Variants in RANBP17 observed in about 807,000 individuals in gnomAD.
RANBP17 encodes the protein ran-binding protein 17.
In RANBP17, 158 loss-of-function variants were observed where a neutral mutation model predicts 141.2. The observed-to-expected ratio is 1.12, with a 90% CI of 0.98 to 1.28. The LOEUF (loss-of-function observed/expected upper bound fraction) is 1.28. RANBP17 is among the 50% of genes most tolerant of loss of function. The pLI, the probability that RANBP17 is intolerant of heterozygous loss-of-function variation, is 0.00. For missense variants in RANBP17, 1,438 were observed against 1,290.7 expected (o/e 1.11, Z -1.75); for synonymous variants, 430 against 450.0 (o/e 0.96, Z 0.56).
Position 171,103,172 on chromosome 5 carries a change from C to T in RANBP17, c.1711-66958C>T, listed in dbSNP as rs143202112. On this transcript the variant is annotated intron_variant, in intron 14 of 27. Transcript: ENST00000523189. The stretch of plus-strand genomic sequence containing the variant: ...TCTCTTCCAAGCCGGCAGGCGGGCA[C>T]ATTTAAGTCTGCTGAAGCTGCACCC... Among the ~76,000 whole-genome samples, 8 of 152,304 alleles carry T rather than the reference C, an allele frequency of 5.3e-5. No homozygotes were observed. The East Asian group carries it at 1.4e-3, about 26-fold the overall frequency.
intron 14 of RANBP17, among the ~76,000 whole-genome samples, chr5:171,076,625 T>A (rs1784942235): frequency 6.6e-6 from 1 of 152,178 alleles, no homozygotes; most frequent in South Asian, 2.1e-4. Context: ...CGAAAACTAC[T>A]AGGTTTGGGT....
chr5:170,917,062 G>A (rs1467607061), intron 9 of RANBP17, among the ~76,000 whole-genome samples: 1 of 152,032 alleles, frequency 6.6e-6, no homozygotes, highest in Non-Finnish European at 1.5e-5. Context: ...AAAAATGGAT[G>A]TTTCCATGGC....
intron 14 of RANBP17, among the ~76,000 whole-genome samples, chr5:171,126,021 C>T (rs190919887): frequency 3.0e-3 from 451 of 152,196 alleles, no homozygotes; most frequent in Non-Finnish European, 5.1e-3. Context: ...CTCCTGACCT[C>T]GTGATCCGCC....
At chr5:171,037,044 T>C (rs1781926058) in intron 14 of RANBP17, among the ~76,000 whole-genome samples, 1 of 152,144 alleles carries the variant, frequency 6.6e-6, no homozygotes, top group Non-Finnish European at 1.5e-5. Flanking sequence ...AATTAATACA[T>C]GTTCCCCCCC....
chr5:170,951,326 A>G (rs1775192923), intron 12 of RANBP17, among the ~76,000 whole-genome samples: 1 of 152,170 alleles, frequency 6.6e-6, no homozygotes, highest in South Asian at 2.1e-4. Flanking sequence ...ACAAAGTATC[A>G]CATGTACCCC....
chr5:171,015,287 G>A (rs1428857484), intron 14 of RANBP17, among the ~76,000 whole-genome samples: 3 of 151,918 alleles, frequency 2.0e-5, no homozygotes, highest in Non-Finnish European at 2.9e-5. Flanking sequence ...CTGCAGTTAC[G>A]CATTTATTAG....
At chr5:171,193,968 A>G (rs1421392038) in intron 18 of RANBP17, among the ~76,000 whole-genome samples, 6 of 152,176 alleles carry the variant, frequency 3.9e-5, no homozygotes, top group East Asian at 3.8e-4. Flanking sequence ...ATTTATCACA[A>G]TTGCCAAAGT....
chr5:171,287,236 A>C (rs1561831034), intron 25 of RANBP17, among the ~76,000 whole-genome samples: 2 of 152,214 alleles, frequency 1.3e-5, no homozygotes. Flanking sequence ...CACGCCTGTA[A>C]TCCCAGCACT....
intron 14 of RANBP17, among the ~76,000 whole-genome samples, chr5:170,991,595 A>C (rs1033832348): frequency 6.6e-6 from 1 of 151,994 alleles, no homozygotes; most frequent in East Asian, 1.9e-4. Flanking sequence ...CCTTTTCATC[A>C]GATAGATCTC....
At position 170,947,075 on chromosome 5, in the gene RANBP17, G is replaced by C. The variant is rs1490600440; in HGVS notation, c.1469-6522G>C. Among the ~76,000 whole-genome samples, 5 of 152,090 alleles carry C rather than the reference G, an allele frequency of 3.3e-5. No homozygotes were observed. The East Asian group carries it at 7.7e-4, about 23-fold the overall frequency. ...CAAGTAGGCAAATTCACAAATAATG[G>C]AATCTGTGAATAATGAGGATCAACT... On this transcript the variant is annotated intron_variant, in intron 12 of 27. Transcript: ENST00000523189.
intron 16 of RANBP17, among the ~76,000 whole-genome samples, chr5:171,181,282 C>T (rs1323118254): frequency 2.0e-5 from 3 of 152,018 alleles, no homozygotes; most frequent in African/African-American, 7.2e-5. Context: ...AACCCCATCC[C>T]TACTAAAAAT....
chr5:171,091,429 C>T (rs1033882142), intron 14 of RANBP17, among the ~76,000 whole-genome samples: 11 of 152,202 alleles, frequency 7.2e-5, no homozygotes, highest in African/African-American at 2.7e-4. Flanking sequence ...ATTTTACAGG[C>T]TCATAGGCAG....
intron 21 of RANBP17, among the ~76,000 whole-genome samples, chr5:171,217,765 TTATTGCATC>T (rs1334671597): frequency 6.6e-6 from 1 of 152,170 alleles, no homozygotes; most frequent in Non-Finnish European, 1.5e-5. Flanking sequence ...TTTATCATTT[TTATTGCATC>T]TATTTGATTC....
chr5:171,064,296 G>A (rs1013645944), intron 14 of RANBP17, among the ~76,000 whole-genome samples: 1 of 152,294 alleles, frequency 6.6e-6, no homozygotes, highest in South Asian at 2.1e-4. Context: ...TTCCTATTCG[G>A]CCATCTTGGC....
At chr5:171,243,313 A>G (rs536113804) in intron 24 of RANBP17, among the ~76,000 whole-genome samples, 2 of 152,344 alleles carry the variant, frequency 1.3e-5, no homozygotes, top group East Asian at 1.9e-4. Flanking sequence ...TTCATTTAGC[A>G]TAGTGACTTT....
At chr5:170,867,151 A>G (rs970057072) in intron 1 of RANBP17, 3 of 152,236 alleles carry the variant, frequency 2.0e-5, no homozygotes, top group African/African-American at 7.2e-5. Context: ...CTCTTGAAGT[A>G]TAGACTAGGA....
Position 171,073,586 on chromosome 5 carries a change from A to T in RANBP17, c.1711-96544A>T, listed in dbSNP as rs545414231. On this transcript the variant is annotated intron_variant, in intron 14 of 27. Transcript: ENST00000523189. ...GTTTATTTTAATATGTATATGGATA[A>T]ATATATATAGAACTAACCTCAGATA... Among the ~76,000 whole-genome samples the T allele has an allele frequency of 1.5e-3, 225 of 152,258 alleles. 3 individuals are homozygous for T. Among genetic ancestry groups the T allele is most frequent in the Non-Finnish European group, 1.1e-3 (75 of 68,012 alleles).
intron 14 of RANBP17, among the ~76,000 whole-genome samples, chr5:171,058,720 C>T (rs902538302): frequency 6.6e-6 from 1 of 150,790 alleles, no homozygotes; most frequent in Non-Finnish European, 1.5e-5. Flanking sequence ...AGTTCTAGAT[C>T]CCTGAGGAAT....
chr5:170,909,381 C>G (rs79154394), intron 5 of RANBP17, among the ~76,000 whole-genome samples: 1 of 151,760 alleles, frequency 6.6e-6, no homozygotes, highest in East Asian at 1.9e-4. Context: ...GAAGTTGTTA[C>G]TGCATGATAT....
Sources: gnomAD v4.1 joint callset for allele counts (sites outside exome capture counted in the v4.1 genomes callset) on GRCh38, gnomAD v4.1.1 for gene constraint, MANE v1.5 for transcripts, NCBI Gene and HGNC (gene_info 2026-07-23, HGNC 2026-07-21) for gene names.